The following DPP10 variants were observed in gnomAD, a reference collection of about 807,000 sequenced individuals.
The protein encoded by DPP10 is dipeptidyl peptidase like 10.
A neutral mutation model predicts 120.9 loss-of-function variants in DPP10; 33 were observed. The ratio of observed to expected loss-of-function variants is 0.27; its 90% CI spans 0.21 to 0.37. The LOEUF is 0.37. Ranked by LOEUF, DPP10 falls within the 10% of genes least tolerant of loss-of-function variation. The probability of loss-of-function intolerance (pLI) is 1.00; values close to 1 mark genes in which losing one functional copy is unlikely to be tolerated. For synonymous variants in DPP10, 337 were observed against 326.1 expected (o/e 1.03, Z -0.36); for missense variants, 816 against 942.8 (o/e 0.87, Z 1.76).
chr2:114,470,003 A>G (rs1470981425), intron 1 of DPP10, among the ~76,000 whole-genome samples: 1 of 152,218 alleles, frequency 6.6e-6, no homozygotes, highest in Non-Finnish European at 1.5e-5. Flanking sequence ...ACCAATGGAC[A>G]CCTTGAGGTG....
intron 1 of DPP10, among the ~76,000 whole-genome samples, chr2:114,708,283 C>G (rs1212068046): frequency 6.6e-6 from 1 of 152,140 alleles, no homozygotes; most frequent in African/African-American, 2.4e-5. Context: ...GGGTTTTACA[C>G]CCTGGTTGCC....
At chr2:114,745,274 A>G (rs976128522) in intron 1 of DPP10, among the ~76,000 whole-genome samples, 3 of 152,230 alleles carry the variant, frequency 2.0e-5, no homozygotes, top group Non-Finnish European at 4.4e-5. Flanking sequence ...AAACATGTGG[A>G]TGGAGGAGGT....
chr2:114,625,064 T>G (rs1326276629), intron 1 of DPP10, among the ~76,000 whole-genome samples: 2 of 152,042 alleles, frequency 1.3e-5, no homozygotes, highest in Non-Finnish European at 2.9e-5. Context: ...ATATCCAGAT[T>G]CTGCTCAAAA....
At chr2:115,505,422 G>T (rs1342495571) in intron 4 of DPP10, among the ~76,000 whole-genome samples, 1 of 152,046 alleles carries the variant, frequency 6.6e-6, no homozygotes, top group Non-Finnish European at 1.5e-5. Context: ...TTCCAGTGTT[G>T]ATTTTTTTAG....
intron 1 of DPP10, among the ~76,000 whole-genome samples, chr2:114,788,158 A>G (rs186498531): frequency 2.6e-5 from 4 of 152,296 alleles, no homozygotes; most frequent in East Asian, 1.9e-4. Context: ...TGCATGTACT[A>G]TAATTAAATT....
chr2:115,351,085 G>C (rs1383059621), intron 3 of DPP10, among the ~76,000 whole-genome samples: 1 of 152,036 alleles, frequency 6.6e-6, no homozygotes, highest in East Asian at 1.9e-4. Flanking sequence ...GTTCTTTGCA[G>C]CACTATTCAT....
chr2:115,010,072 A>G (rs1355814422), intron 1 of DPP10, among the ~76,000 whole-genome samples: 1 of 152,210 alleles, frequency 6.6e-6, no homozygotes, highest in Non-Finnish European at 1.5e-5. Context: ...TTTTACAAGT[A>G]TGCAACTTTA....
intron 5 of DPP10, among the ~76,000 whole-genome samples, chr2:115,554,011 A>T (rs1374010520): frequency 2.7e-5 from 4 of 145,782 alleles, no homozygotes; most frequent in African/African-American, 1.1e-4. Context: ...TCACACACAC[A>T]CACACACACA....
In DPP10 at chr2:115,777,314, T is replaced by G; in HGVS notation, c.1313+15T>G. 2 of 1,604,982 alleles carry G rather than the reference T, an allele frequency of 1.2e-6. No individual in the cohort carries two copies. Among genetic ancestry groups the G allele is most frequent in the Non-Finnish European group, 1.7e-6 (2 of 1,172,484 alleles). On this transcript the variant is annotated intron_variant, in intron 14 of 25. Coordinates refer to ENST00000410059, the MANE Select transcript of DPP10 (RefSeq NM_020868.6). ...ACTCAAAAAATGTGAGTGTTTTCAG[T>G]TCTCTAGTCAGGCTGCAAGTTAGCG...
intron 1 of DPP10, among the ~76,000 whole-genome samples, chr2:114,905,397 G>T (rs75525364): frequency 0.018 from 2,687 of 151,832 alleles, 83 homozygotes; most frequent in African/African-American, 0.062. Context: ...TCACTTCTTT[G>T]GATTAATTTA....
intron 1 of DPP10, among the ~76,000 whole-genome samples, chr2:114,959,883 A>T (rs1170017458): frequency 1.3e-5 from 2 of 152,196 alleles, no homozygotes; most frequent in Non-Finnish European, 2.9e-5. Context: ...AGAAACATCC[A>T]TTCAGATCCT....
intron 1 of DPP10, among the ~76,000 whole-genome samples, chr2:114,955,235 C>T (rs931816773): frequency 6.6e-6 from 1 of 152,156 alleles, no homozygotes; most frequent in Non-Finnish European, 1.5e-5. Context: ...CCTGATGTGG[C>T]CATGCTTGTG....
intron 5 of DPP10, among the ~76,000 whole-genome samples, chr2:115,583,438 G>A (rs968317956): frequency 1.3e-5 from 2 of 152,190 alleles, no homozygotes; most frequent in African/African-American, 2.4e-5. Flanking sequence ...GCCCAAGAAG[G>A]CCTCTTGGTG....
intron 1 of DPP10, among the ~76,000 whole-genome samples, chr2:115,000,011 A>G (rs1701336984): frequency 7.7e-5 from 2 of 25,888 alleles, no homozygotes; most frequent in Non-Finnish European, 1.8e-4. Flanking sequence ...TAATTCAACC[A>G]ATTAGTTTTT....
chr2:115,756,202 AG>A (rs2149766351), intron 11 of DPP10, among the ~76,000 whole-genome samples: 1 of 152,248 alleles, frequency 6.6e-6, no homozygotes, highest in East Asian at 1.9e-4. Flanking sequence ...GAAAGGATAG[AG>A]AGAAGTTAGT....
intron 1 of DPP10, among the ~76,000 whole-genome samples, chr2:114,801,079 C>T (rs370531736): frequency 4.6e-5 from 7 of 151,414 alleles, no homozygotes; most frequent in Non-Finnish European, 7.4e-5. Context: ...CTGACTAACA[C>T]GGTAAAACCC....
rs1351618440 is a variant in DPP10, at chr2:115,845,142, G to A, written c.*2797G>A. 6.6e-6 allele frequency: 1 copy of A among 152,130 alleles called. No individual in the cohort carries two copies. Among genetic ancestry groups the A allele is most frequent in the Admixed American group, 6.6e-5 (1 of 15,264 alleles). The allele number at this position is 152,130 out of a possible 1,614,324, so 9.4% of individuals were successfully genotyped here. ...TTAAGCCATTGTCCTTCAAATGTTGGGCTTGGAGACAGAAGTACCTTGGAC... is the reference window on the plus strand; with the variant it reads ...TTAAGCCATTGTCCTTCAAATGTTGAGCTTGGAGACAGAAGTACCTTGGAC... On this transcript the variant is annotated 3_prime_UTR_variant, in exon 26 of 26. Transcript: ENST00000410059.
Position 114,648,921 on chromosome 2 carries a change from C to G in DPP10, c.60+206083C>G, listed in dbSNP as rs913021953. Among the ~76,000 whole-genome samples the G allele has an allele frequency of 2.0e-5, 3 of 152,140 alleles. No individual in the cohort carries two copies. In the East Asian group the frequency reaches 5.8e-4, roughly 29 times the overall value. On this transcript the variant is annotated intron_variant, in intron 1 of 25. Coordinates refer to ENST00000410059, the MANE Select transcript of DPP10 (RefSeq NM_020868.6). ...GTGGGAAAATATGCCAAATTTTCTC[C>G]AATCCTTTCTGTAATTCCTCTGTAG...
intron 1 of DPP10, among the ~76,000 whole-genome samples, chr2:114,767,658 A>G (rs1367966426): frequency 6.6e-6 from 1 of 152,310 alleles, no homozygotes; most frequent in East Asian, 1.9e-4. Context: ...TCTTTTGACT[A>G]TCAAATGCCA....
Sources: gnomAD v4.1 joint callset for allele counts (sites outside exome capture counted in the v4.1 genomes callset) on GRCh38, gnomAD v4.1.1 for gene constraint, MANE v1.5 for transcripts, NCBI Gene and HGNC (gene_info 2026-07-23, HGNC 2026-07-21) for gene names.